The following NRG2 variants were observed in gnomAD, a reference collection of about 807,000 sequenced individuals.
NRG2 encodes pro-neuregulin-2, membrane-bound isoform.
A neutral mutation model predicts 73.9 loss-of-function variants in NRG2; 27 were observed. The observed-to-expected ratio is 0.37, with a 90% CI of 0.27 to 0.50. The LOEUF (loss-of-function observed/expected upper bound fraction) is 0.50. Ranked by LOEUF, NRG2 falls within the 20% of genes least tolerant of loss-of-function variation. The pLI is 0.96. For missense variants in NRG2, 1,126 were observed against 1,210.1 expected (o/e 0.93, Z 1.03); for synonymous variants, 532 against 541.0 (o/e 0.98, Z 0.23).
intron 1 of NRG2, among the ~76,000 whole-genome samples, chr5:139,943,473 T>C (rs1327928990): frequency 6.6e-6 from 1 of 152,164 alleles, no homozygotes; most frequent in Non-Finnish European, 1.5e-5. Context: ...GTGAAGAAAT[T>C]GTGCTGTAAT....
chr5:140,005,746 T>C (rs1163415056), intron 1 of NRG2, among the ~76,000 whole-genome samples: 2 of 152,142 alleles, frequency 1.3e-5, no homozygotes, highest in East Asian at 3.9e-4. Flanking sequence ...ATGTCTAAGC[T>C]CATGTCAAGA....
intron 3 of NRG2, among the ~76,000 whole-genome samples, chr5:139,875,301 G>A (rs919352007): frequency 5.3e-5 from 8 of 152,208 alleles, no homozygotes; most frequent in South Asian, 2.1e-4. Flanking sequence ...TTGTGCCACC[G>A]TGCCCAGCCA....
At chr5:139,965,581 C>T (rs1308111566) in intron 1 of NRG2, among the ~76,000 whole-genome samples, 2 of 152,232 alleles carry the variant, frequency 1.3e-5, no homozygotes, top group Non-Finnish European at 1.5e-5. Flanking sequence ...TGAATATTCA[C>T]CCAATCAGGC....
rs568288672 is a variant in NRG2, at chr5:139,868,564, G to T, written c.1113-2939C>A. Among the ~76,000 whole-genome samples the T allele has an allele frequency of 6.6e-6, 1 of 152,190 alleles. No homozygotes were observed. Among genetic ancestry groups the T allele is most frequent in the African/African-American group, 2.4e-5 (1 of 41,504 alleles). ...GTCCCCAGGGCTGGAGAAGAGCAGG[G>T]TGAGAGAGGGGCAGAGAGGAGAGCC... On this transcript the variant is annotated intron_variant, in intron 4 of 9. Coordinates refer to ENST00000361474, the MANE Select transcript of NRG2 (RefSeq NM_004883.3). The surrounding 1 kb of genome is among the most constrained non-coding windows in gnomAD (Gnocchi z 4.2).
At chr5:140,031,851 C>A (rs1008125933) in intron 1 of NRG2, among the ~76,000 whole-genome samples, 3 of 152,060 alleles carry the variant, frequency 2.0e-5, no homozygotes, top group African/African-American at 7.3e-5. Flanking sequence ...GTCTAACAGT[C>A]CTTGGGAACT....
Position 139,864,385 on chromosome 5 carries a change from C to CTT in NRG2, c.1189+1162_1189+1163dup, listed in dbSNP as rs954495131. On this transcript the variant is annotated intron_variant, in intron 5 of 9. Coordinates refer to ENST00000361474, the MANE Select transcript of NRG2 (RefSeq NM_004883.3). ...TTTCTTTCTTCTCCTTCTTCTTCTT[C>CTT]TTTTTTTTTTTTTTTTGCAAACTGT... is the stretch of plus-strand genomic sequence containing the variant. 5.0e-3 allele frequency among the ~76,000 whole-genome samples: 673 copies of CTT among 134,590 alleles called. 12 individuals are homozygous for CTT. Among genetic ancestry groups the CTT allele is most frequent in the African/African-American group, 0.017 (601 of 36,082 alleles). The allele number at this position is 134,590 out of a possible 152,430, so 88.3% of individuals were successfully genotyped here. A position where few individuals can be genotyped will look rare whatever the true frequency, so the allele number is the denominator to read the frequency against.
In NRG2 at chr5:140,002,422, G is replaced by GA. The variant is rs552728001; in HGVS notation, c.700+39947dup. On this transcript the variant is annotated intron_variant, in intron 1 of 9. Coordinates refer to ENST00000361474, the MANE Select transcript of NRG2 (RefSeq NM_004883.3). ...ATAGGATAGCTGGGAAATCCTCCTTGAAAAGGCAGAATTTGAAGGGGTGAA... is the reference window on the plus strand; with the variant it reads ...ATAGGATAGCTGGGAAATCCTCCTTGAAAAAGGCAGAATTTGAAGGGGTGAA... Among the ~76,000 whole-genome samples, 223 of 152,270 alleles carry GA rather than the reference G, an allele frequency of 1.5e-3. 1 individual carries two copies. Among genetic ancestry groups the GA allele is most frequent in the African/African-American group, 5.2e-3 (216 of 41,548 alleles).
chr5:139,947,495 G>C (rs573674585), intron 1 of NRG2, among the ~76,000 whole-genome samples: 1 of 152,220 alleles, frequency 6.6e-6, no homozygotes, highest in Non-Finnish European at 1.5e-5. Context: ...TGGCCATTTA[G>C]GTGGTTTCTA....
At chr5:139,966,009 T>C (rs1357911075) in intron 1 of NRG2, among the ~76,000 whole-genome samples, 1 of 152,190 alleles carries the variant, frequency 6.6e-6, no homozygotes, top group Non-Finnish European at 1.5e-5. Context: ...TATTATTTGT[T>C]TCCTCCACTA....
At position 139,954,876 on chromosome 5, in the gene NRG2, G is replaced by T. The variant is rs35420312; in HGVS notation, c.701-67365C>A. Among the ~76,000 whole-genome samples the T allele has an allele frequency of 0.14, 20,676 of 151,664 alleles. 1,501 individuals carry two copies. The highest frequency in any genetic ancestry group is 0.25 in the South Asian group (1,221 of 4,814). ...AGAGCCTGGCACACAGTAAACATTA[G>T]CTATTGGTGTTGTTATTATTGTTCT... On this transcript the variant is annotated intron_variant, in intron 1 of 9. Coordinates refer to ENST00000361474, the MANE Select transcript of NRG2 (RefSeq NM_004883.3). The surrounding 1 kb of genome is among the most constrained non-coding windows in gnomAD (Gnocchi z 5.0).
At position 139,851,491 on chromosome 5, in the gene NRG2, A is replaced by G; in HGVS notation, c.1772+113T>C. On this transcript the variant is annotated intron_variant, in intron 9 of 9. Coordinates refer to ENST00000361474, the MANE Select transcript of NRG2 (RefSeq NM_004883.3). This position sits in a 1 kb window ranked among gnomAD's most constrained non-coding sequence, Gnocchi z 4.2. ...CTAGGACCTTGTTTTCCCATATGAA[A>G]AATGGAGATGAGGCTCTTTGGAGTG... The G allele has an allele frequency of 1.0e-6, 1 of 1,004,422 alleles. No homozygotes were observed. The highest frequency in any genetic ancestry group is 1.5e-6 in the Non-Finnish European group (1 of 675,286). The allele number at this position is 1,004,422 out of a possible 1,614,324, so 62.2% of individuals were successfully genotyped here. A position where few individuals can be genotyped will look rare whatever the true frequency, so the allele number is the denominator to read the frequency against.
At chr5:139,991,236 A>T (rs2126594069) in intron 1 of NRG2, among the ~76,000 whole-genome samples, 1 of 152,178 alleles carries the variant, frequency 6.6e-6, no homozygotes, top group East Asian at 1.9e-4. Flanking sequence ...AGATCGCACC[A>T]CTGCACTCCA....
chr5:139,849,315 G>A (rs1213302176), intron 9 of NRG2, among the ~76,000 whole-genome samples: 2 of 152,204 alleles, frequency 1.3e-5, no homozygotes, highest in East Asian at 3.8e-4. Context: ...AGATACCCCT[G>A]TGACCTGGCC....
intron 1 of NRG2, among the ~76,000 whole-genome samples, chr5:140,024,885 C>A (rs145753400): frequency 6.6e-6 from 1 of 152,292 alleles, no homozygotes; most frequent in East Asian, 1.9e-4. Flanking sequence ...ACTCTAAACC[C>A]ATGCAGTCTC....
At chr5:139,903,150 G>A (rs1403241366) in intron 1 of NRG2, among the ~76,000 whole-genome samples, 1 of 152,166 alleles carries the variant, frequency 6.6e-6, no homozygotes, top group East Asian at 1.9e-4. Context: ...CCCGTCAAAC[G>A]CTCTTTTGAA....
chr5:139,846,927 G>C lies in NRG2; in HGVS notation c.*990C>G, dbSNP rs1454344926. On this transcript the variant is annotated 3_prime_UTR_variant, in exon 10 of 10. Coordinates refer to ENST00000361474, the MANE Select transcript of NRG2 (RefSeq NM_004883.3). ...CAATTACCTTTTTGACAAATTAGCA[G>C]TGGACCCAGTTTTTGGGGGTGGGAG... The C allele has an allele frequency of 6.6e-6, 1 of 151,552 alleles. No homozygotes were observed. Among genetic ancestry groups the C allele is most frequent in the Non-Finnish European group, 1.5e-5 (1 of 67,944 alleles). The allele number at this position is 151,552 out of a possible 1,614,324, so 9.4% of individuals were successfully genotyped here. A position where few individuals can be genotyped will look rare whatever the true frequency, so the allele number is the denominator to read the frequency against.
In NRG2 at chr5:139,852,581, G is replaced by A. The variant is rs765098518; in HGVS notation, c.1417-22C>T. 1.6e-5 allele frequency: 25 copies of A among 1,609,264 alleles called. No individual in the cohort carries two copies. The East Asian group carries it at 2.5e-4, about 16-fold the overall frequency. ...TATACTGGAACAGACAGAGTTGGGCGAGAGTTAGTGACTGGGGCCCAAATG... is the reference window on the plus strand; with the variant it reads ...TATACTGGAACAGACAGAGTTGGGCAAGAGTTAGTGACTGGGGCCCAAATG... On this transcript the variant is annotated intron_variant, in intron 7 of 9. Transcript: ENST00000361474. This position sits in a 1 kb window ranked among gnomAD's most constrained non-coding sequence, Gnocchi z 4.4.
intron 1 of NRG2, among the ~76,000 whole-genome samples, chr5:140,026,261 G>T (rs1041969142): frequency 1.3e-5 from 2 of 152,250 alleles, no homozygotes; most frequent in Admixed American, 1.3e-4. Flanking sequence ...TGCATGCCCT[G>T]TGAAGAAGTT....
intron 1 of NRG2, among the ~76,000 whole-genome samples, chr5:139,971,212 G>A (rs115534195): frequency 0.011 from 1,745 of 152,268 alleles, 26 homozygotes; most frequent in African/African-American, 0.04. Flanking sequence ...AGCCCCCAGG[G>A]TTGGCATCAA....
Sources: allele counts gnomAD v4.1 joint callset (sites outside exome capture counted in the v4.1 genomes callset), GRCh38; gene constraint gnomAD v4.1.1; non-coding constraint Gnocchi (gnomAD v3.1); transcripts MANE v1.5; gene names NCBI Gene and HGNC (gene_info 2026-07-23, HGNC 2026-07-21).